Variants in SRC observed in about 807,000 individuals in gnomAD.
The protein encoded by SRC is proto-oncogene tyrosine-protein kinase Src.
Under a neutral mutation model 62.9 loss-of-function variants are expected in SRC, and 13 were observed. That is an observed-to-expected ratio of 0.21 (90% CI 0.13 to 0.33). The LOEUF (loss-of-function observed/expected upper bound fraction) is 0.33, where lower values mean the gene tolerates loss of function less well. Among genes scored for constraint, SRC ranks in the 10% least tolerant of loss-of-function variants. SRC has a pLI of 1.00. For synonymous variants in SRC, 302 were observed against 317.5 expected (o/e 0.95, Z 0.52); for missense variants, 457 against 737.3 (o/e 0.62, Z 4.40).
At chr20:37,383,318 G>A (rs2070392328) in intron 3 of SRC, among the ~76,000 whole-genome samples, 1 of 152,228 alleles carries the variant, frequency 6.6e-6, no homozygotes, top group South Asian at 2.1e-4. Context: ...AATGGTATGT[G>A]TGAAGGCCCT....
At chr20:37,370,770 T>C (rs922972798) in intron 2 of SRC, among the ~76,000 whole-genome samples, 2 of 152,208 alleles carry the variant, frequency 1.3e-5, no homozygotes, top group Admixed American at 6.5e-5. Context: ...TGTGTGGTTA[T>C]GGTATCGGGG....
chr20:37,356,188 T>C (rs1365207627), intron 1 of SRC, among the ~76,000 whole-genome samples: 1 of 151,636 alleles, frequency 6.6e-6, no homozygotes, highest in Admixed American at 6.6e-5. Flanking sequence ...ACCGGAAGGA[T>C]GGGAGGGACC....
intron 1 of SRC, among the ~76,000 whole-genome samples, chr20:37,347,487 C>A (rs1022910204): frequency 2.6e-5 from 4 of 152,212 alleles, no homozygotes; most frequent in Admixed American, 2.0e-4. Context: ...GTAGTAGATG[C>A]TCAATAAATG....
chr20:37,358,188 T>C (rs1229576543), intron 1 of SRC, among the ~76,000 whole-genome samples: 1 of 152,218 alleles, frequency 6.6e-6, no homozygotes, highest in East Asian at 1.9e-4. Flanking sequence ...AGACTGAGTG[T>C]GAAGTGCCGA....
At chr20:37,375,677 C>A (rs1332706523) in intron 2 of SRC, among the ~76,000 whole-genome samples, 1 of 152,172 alleles carries the variant, frequency 6.6e-6, no homozygotes, top group Non-Finnish European at 1.5e-5. Context: ...ACCCAACCCT[C>A]TTTTTCTAAG....
intron 1 of SRC, among the ~76,000 whole-genome samples, chr20:37,364,479 G>A (rs938741426): frequency 6.6e-6 from 1 of 152,148 alleles, no homozygotes; most frequent in Non-Finnish European, 1.5e-5. Flanking sequence ...TTTGGCCTCT[G>A]TGTCCACCCC....
At position 37,401,772 on chromosome 20, in the gene SRC, C is replaced by G; in HGVS notation, c.1116+94C>G. 4.7e-6 allele frequency: 4 copies of G among 847,624 alleles called. No homozygotes were observed. In the East Asian group the frequency reaches 1.1e-4, roughly 24 times the overall value. The allele number at this position is 847,624 out of a possible 1,614,324, so 52.5% of individuals were successfully genotyped here. On this transcript the variant is annotated intron_variant, in intron 11 of 13. Coordinates refer to ENST00000373578, the MANE Select transcript of SRC (RefSeq NM_198291.3). ...GTTCTGGCCTCTTGAGTGCCCCCTCCAAGAAGCCTGCCTTGATTGCCTCCA... is the reference window on the plus strand; with the variant it reads ...GTTCTGGCCTCTTGAGTGCCCCCTCGAAGAAGCCTGCCTTGATTGCCTCCA...
intron 2 of SRC, among the ~76,000 whole-genome samples, chr20:37,373,267 C>A (rs879741909): frequency 1.1e-5 from 1 of 93,548 alleles, no homozygotes; most frequent in African/African-American, 4.6e-5. Flanking sequence ...CATGTACATA[C>A]GCACACACAC....
chr20:37,373,402 T>C (rs2070223554), intron 2 of SRC, among the ~76,000 whole-genome samples: 1 of 151,048 alleles, frequency 6.6e-6, no homozygotes, highest in African/African-American at 2.5e-5. Context: ...TATGCGTATA[T>C]ATACGCATAT....
Position 37,403,543 on chromosome 20 carries a change from G to A in SRC, c.*164G>A. 4 of 819,928 alleles carry A rather than the reference G, an allele frequency of 4.9e-6. No homozygotes were observed. The highest frequency in any genetic ancestry group is 7.5e-6 in the Non-Finnish European group (4 of 536,680). 50.8% of individuals were successfully genotyped at this position (819,928 alleles called of 1,614,324 possible). A position where few individuals can be genotyped will look rare whatever the true frequency, so the allele number is the denominator to read the frequency against. On this transcript the variant is annotated 3_prime_UTR_variant, in exon 14 of 14. Transcript: ENST00000373578. The surrounding 1 kb of genome is among the most constrained non-coding windows in gnomAD (Gnocchi z 7.1). ...TTTGGTGGCATGGAAGGGGCTTCTG[G>A]ACCTAGGGTGGCCTGAGAGGGCGGT... is the stretch of plus-strand genomic sequence containing the variant.
rs146204207 is a variant in SRC at position 37,370,679 on chromosome 20, A to T, written c.-173+5402A>T. On this transcript the variant is annotated intron_variant, in intron 2 of 13. Coordinates refer to ENST00000373578, the MANE Select transcript of SRC (RefSeq NM_198291.3). ...TGGATCCAGTTTTCTAGTATTTTGTAGAAGATTTATATACATGTAATATAT... is the reference window on the plus strand; with the variant it reads ...TGGATCCAGTTTTCTAGTATTTTGTTGAAGATTTATATACATGTAATATAT... 1.9e-3 allele frequency among the ~76,000 whole-genome samples: 293 copies of T among 152,062 alleles called. 5 individuals carry two copies. Among genetic ancestry groups the T allele is most frequent in the Admixed American group, 0.015 (234 of 15,288 alleles).
At chr20:37,400,835 C>A (rs1254983432) in intron 10 of SRC, among the ~76,000 whole-genome samples, 1 of 152,116 alleles carries the variant, frequency 6.6e-6, no homozygotes, top group African/African-American at 2.4e-5. Flanking sequence ...ATCTCCATCA[C>A]CCAGAAAGTT....
At chr20:37,367,355 C>T (rs1035465505) in intron 2 of SRC, among the ~76,000 whole-genome samples, 2 of 151,414 alleles carry the variant, frequency 1.3e-5, no homozygotes, top group African/African-American at 4.9e-5. Flanking sequence ...GCTGGGATTA[C>T]AGGCATGTGC....
At chr20:37,388,310 A>G (rs1451445380) in intron 5 of SRC, among the ~76,000 whole-genome samples, 1 of 150,994 alleles carries the variant, frequency 6.6e-6, no homozygotes, top group African/African-American at 2.4e-5. Context: ...AGGTTTGGCC[A>G]GGAGGCTGGG....
intron 3 of SRC, among the ~76,000 whole-genome samples, chr20:37,383,175 C>T (rs2070389777): frequency 6.6e-6 from 1 of 152,224 alleles, no homozygotes; most frequent in Non-Finnish European, 1.5e-5. Context: ...TTATCAAAGA[C>T]AGACACAAGT....
At chr20:37,371,504 G>T (rs2070165244) in intron 2 of SRC, among the ~76,000 whole-genome samples, 1 of 151,774 alleles carries the variant, frequency 6.6e-6, no homozygotes, top group African/African-American at 2.4e-5. Flanking sequence ...TGTCAATCTT[G>T]TTGATCTTTT....
At chr20:37,349,851 G>A (rs1044834293) in intron 1 of SRC, among the ~76,000 whole-genome samples, 4 of 152,238 alleles carry the variant, frequency 2.6e-5, no homozygotes, top group African/African-American at 7.2e-5. Context: ...AATGCCATGC[G>A]TCTAGCCCCA....
At chr20:37,373,292 T>C (rs566614381) in intron 2 of SRC, among the ~76,000 whole-genome samples, 2 of 151,656 alleles carry the variant, frequency 1.3e-5, no homozygotes, top group South Asian at 2.1e-4. Context: ...ACATATTACA[T>C]ATGTACACAT....
At chr20:37,362,713 CT>C (rs2069994401) in intron 1 of SRC, among the ~76,000 whole-genome samples, 1 of 142,238 alleles carries the variant, frequency 7.0e-6, no homozygotes, top group African/African-American at 2.5e-5. Context: ...GTGACAGACT[CT>C]GGGATGGTTC....
Sources: allele counts gnomAD v4.1 joint callset (sites outside exome capture counted in the v4.1 genomes callset), GRCh38; gene constraint gnomAD v4.1.1; non-coding constraint Gnocchi (gnomAD v3.1); transcripts MANE v1.5; gene names NCBI Gene and HGNC (gene_info 2026-07-23, HGNC 2026-07-21).